SNX29: variants seen among roughly 807,000 people sequenced by gnomAD.
SNX29 encodes sorting nexin-29.
SNX29 carries 78 observed loss-of-function variants against 102.1 expected under a neutral mutation model. The ratio of observed to expected loss-of-function variants is 0.76; its 90% CI spans 0.64 to 0.92. The LOEUF (loss-of-function observed/expected upper bound fraction) is 0.92, where lower values mean the gene tolerates loss of function less well. SNX29 is among the 40% of genes least tolerant of loss of function. The pLI is 0.00. For missense variants in SNX29, 1,280 were observed against 1,061.7 expected, an observed-to-expected ratio of 1.21 and a Z score of -2.86; for synonymous variants, 580 against 414.5, an observed-to-expected ratio of 1.40 and a Z score of -4.85.
chr16:11,993,494 G>C (rs1273606947), intron 1 of SNX29, among the ~76,000 whole-genome samples: 3 of 152,142 alleles, frequency 2.0e-5, no homozygotes, highest in African/African-American at 7.2e-5. Flanking sequence ...TGCCAACAAT[G>C]ATGATAATGA....
chr16:12,490,918 C>G (rs1432259363), intron 19 of SNX29, among the ~76,000 whole-genome samples: 1 of 152,220 alleles, frequency 6.6e-6, no homozygotes, highest in Admixed American at 6.5e-5. Context: ...ACCTTTTCTC[C>G]CAGAAGGGAA....
rs1027571119 is a variant in SNX29, at chr16:12,570,690, C to T, written c.*2061C>T. On this transcript the variant is annotated 3_prime_UTR_variant, in exon 21 of 21. Coordinates refer to ENST00000566228, the MANE Select transcript of SNX29 (RefSeq NM_032167.5). Reference sequence around the variant, plus strand: ...GGCTTATGACCTGCACCTTTTCTGACACCTGCCCCCAAAGCACAGGATGTG... The same window carrying T: ...GGCTTATGACCTGCACCTTTTCTGATACCTGCCCCCAAAGCACAGGATGTG... 1 of 231,982 alleles carries T rather than the reference C, an allele frequency of 4.3e-6. No individual in the cohort carries two copies. Among genetic ancestry groups the T allele is most frequent in the African/African-American group, 2.2e-5 (1 of 45,288 alleles). The allele number at this position is 231,982 out of a possible 1,614,324, so 14.4% of individuals were successfully genotyped here.
intron 20 of SNX29, among the ~76,000 whole-genome samples, chr16:12,529,580 A>T (rs903769564): frequency 6.6e-6 from 1 of 152,158 alleles, no homozygotes; most frequent in African/African-American, 2.4e-5. Context: ...AGGAGAGAGA[A>T]AGTTAGGGGG....
At chr16:12,103,412 T>G (rs1305047552) in intron 11 of SNX29, among the ~76,000 whole-genome samples, 1 of 152,090 alleles carries the variant, frequency 6.6e-6, no homozygotes, top group Non-Finnish European at 1.5e-5. Flanking sequence ...AAATGATCTT[T>G]GACAAACCTG....
At chr16:12,508,891 C>G (rs1445150061) in intron 19 of SNX29, among the ~76,000 whole-genome samples, 1 of 152,160 alleles carries the variant, frequency 6.6e-6, no homozygotes, top group African/African-American at 2.4e-5. Context: ...GAACATGGCC[C>G]TGGAGTCCCT....
chr16:12,244,445 C>A (rs1265260652), intron 14 of SNX29, among the ~76,000 whole-genome samples: 1 of 152,064 alleles, frequency 6.6e-6, no homozygotes, highest in Non-Finnish European at 1.5e-5. Flanking sequence ...ACTGTCTCTA[C>A]CAAAAATACA....
chr16:12,278,510 A>G (rs1391089829), intron 15 of SNX29, among the ~76,000 whole-genome samples: 1 of 152,224 alleles, frequency 6.6e-6, no homozygotes, highest in African/African-American at 2.4e-5. Context: ...ATAAAGTTGT[A>G]CAAATTACTG....
At chr16:12,429,523 C>A (rs371761610) in intron 18 of SNX29, among the ~76,000 whole-genome samples, 2 of 152,308 alleles carry the variant, frequency 1.3e-5, no homozygotes, top group Admixed American at 6.5e-5. Context: ...TGGGCTTAAG[C>A]TGCCCAAAGC....
At chr16:12,133,120 T>C (rs1415418793) in intron 13 of SNX29, among the ~76,000 whole-genome samples, 1 of 152,012 alleles carries the variant, frequency 6.6e-6, no homozygotes, top group African/African-American at 2.4e-5. Context: ...GGTGTGTGTG[T>C]GTTTAGGTGC....
intron 4 of SNX29, among the ~76,000 whole-genome samples, chr16:12,037,332 G>T (rs190756593): frequency 6.6e-6 from 1 of 152,210 alleles, no homozygotes; most frequent in African/African-American, 2.4e-5. Context: ...TCAGCTCCTG[G>T]AGGAGACAAG....
chr16:12,230,819 CGTAT>C (rs72479138), intron 14 of SNX29, among the ~76,000 whole-genome samples: 10,978 of 150,312 alleles, frequency 0.073, 485 homozygotes, highest in East Asian at 0.19. Context: ...TGTAATAAGT[CGTAT>C]GTATGTATGT....
intron 20 of SNX29, among the ~76,000 whole-genome samples, chr16:12,558,495 T>C (rs2078514606): frequency 6.6e-6 from 1 of 152,228 alleles, no homozygotes; most frequent in Non-Finnish European, 1.5e-5. Flanking sequence ...AGTGCATCTT[T>C]AGTTTTTAAT....
rs571943742 is a variant in SNX29, at chr16:12,558,802, G to C, written c.2319-9704G>C. 1.7e-4 allele frequency among the ~76,000 whole-genome samples: 26 copies of C among 152,312 alleles called. 1 individual carries two copies. Among genetic ancestry groups the C allele is most frequent in the African/African-American group, 5.8e-4 (24 of 41,558 alleles). ...ACAACCTGAAGCAGTTTATCTGCCT[G>C]ATAAGGGCTCCCTAGGGGCAGGGCC... On this transcript the variant is annotated intron_variant, in intron 20 of 20. Transcript: ENST00000566228.
At chr16:12,398,270 C>G (rs1448538117) in intron 16 of SNX29, among the ~76,000 whole-genome samples, 176 bp from the exon 17 acceptor site, 1 of 152,188 alleles carries the variant, frequency 6.6e-6, no homozygotes, top group Non-Finnish European at 1.5e-5. Flanking sequence ...GCTGCAACAT[C>G]CTCTCCAACC....
intron 15 of SNX29, among the ~76,000 whole-genome samples, chr16:12,355,947 CT>C (rs1353722732): frequency 6.8e-6 from 1 of 146,644 alleles, no homozygotes; most frequent in Admixed American, 6.8e-5. Flanking sequence ...TAACTTCATA[CT>C]GTTGACTCTG....
chr16:12,262,024 G>A (rs1156539065), intron 14 of SNX29, among the ~76,000 whole-genome samples: 2 of 140,342 alleles, frequency 1.4e-5, no homozygotes, highest in African/African-American at 2.7e-5. Context: ...TGCTGAGCTC[G>A]GGTCTGTGTG....
Position 12,463,780 on chromosome 16 carries a change from C to T in SNX29, c.2038-13939C>T, listed in dbSNP as rs1365905537. Among the ~76,000 whole-genome samples, 3 of 151,738 alleles carry T rather than the reference C, an allele frequency of 2.0e-5. No individual in the cohort carries two copies. The East Asian group carries it at 5.8e-4, about 29-fold the overall frequency. ...TACATATACATCGTGTAATGACTGC[C>T]ACAATCAGATTAACATATCCACCAC... On this transcript the variant is annotated intron_variant, in intron 18 of 20. Coordinates refer to ENST00000566228, the MANE Select transcript of SNX29 (RefSeq NM_032167.5).
In SNX29 at chr16:12,571,854, G is replaced by C. The variant is rs960996542; in HGVS notation, c.*3225G>C. The stretch of plus-strand genomic sequence containing the variant: ...CTTAGCAGTATGCTCCAATCACGTT[G>C]CTGGCAAGGCATTTTAGAGTTTGGA... On this transcript the variant is annotated 3_prime_UTR_variant, in exon 21 of 21. Transcript: ENST00000566228. The C allele has an allele frequency of 4.7e-6, 5 of 1,059,916 alleles. No homozygotes were observed. In the Admixed American group the frequency reaches 2.7e-4, roughly 57 times the overall value. The allele number at this position is 1,059,916 out of a possible 1,614,324, so 65.7% of individuals were successfully genotyped here. A position where few individuals can be genotyped will look rare whatever the true frequency, so the allele number is the denominator to read the frequency against.
chr16:12,545,122 C>T (rs1333163388), intron 20 of SNX29, among the ~76,000 whole-genome samples: 1 of 152,170 alleles, frequency 6.6e-6, no homozygotes, highest in Non-Finnish European at 1.5e-5. Context: ...CTCTGTGAGG[C>T]CCCACTTACC....
Sources: gnomAD v4.1 joint callset for allele counts (sites outside exome capture counted in the v4.1 genomes callset) on GRCh38, gnomAD v4.1.1 for gene constraint, MANE v1.5 for transcripts, NCBI Gene and HGNC (gene_info 2026-07-23, HGNC 2026-07-21) for gene names.